USH2A: variants seen among roughly 807,000 people sequenced by gnomAD.
USH2A encodes usherin.
In USH2A, 443 loss-of-function variants were observed where a neutral mutation model predicts 538.9. The observed-to-expected ratio is 0.82, with a 90% CI of 0.76 to 0.89. The LOEUF (loss-of-function observed/expected upper bound fraction) is 0.89. USH2A is among the 40% of genes least tolerant of loss of function. The pLI, the probability that USH2A is intolerant of heterozygous loss-of-function variation, is 0.00. For synonymous variants in USH2A, 2,413 were observed against 2,273.5 expected (o/e 1.06, Z -1.75); for missense variants, 6,633 against 6,324.8 (o/e 1.05, Z -1.65).
Position 216,220,196 on chromosome 1 carries a change from C to A in USH2A, c.2994-2646G>T, listed in dbSNP as rs2035428914. ...GAGATATATCCCAAGATATATAGGT[C>A]AATTTATTGACATTTCTCTTTGTAC... is the stretch of plus-strand genomic sequence containing the variant. On this transcript the variant is annotated intron_variant, in intron 14 of 71. Transcript: ENST00000307340. 2.0e-5 allele frequency among the ~76,000 whole-genome samples: 3 copies of A among 151,992 alleles called. No homozygotes were observed. In the South Asian group the frequency reaches 6.2e-4, roughly 32 times the overall value.
chr1:215,819,781 G>A (rs1007383823), intron 47 of USH2A, among the ~76,000 whole-genome samples: 20 of 151,554 alleles, frequency 1.3e-4, no homozygotes, highest in African/African-American at 4.1e-4. Flanking sequence ...CTATATTTTC[G>A]GCAAGAACAT....
At position 215,878,929 on chromosome 1, in the gene USH2A, C is replaced by G. The variant is rs886044303; in HGVS notation, c.8393G>C (p.Gly2798Ala). The change falls in exon 42 of 72, where the codon GGG becomes GCG. Residue 2798 changes from glycine (G) to alanine (A), a missense_variant. Transcript: ENST00000307340. The part of the protein sequence containing the change: ...NYSVTIVACS[G>A]GNGYLGGCTE... ...GCACCCTCCAAGGTACCCATTACCCCCTGAGCAAGCAACAATGGTGACAGA... is the reference window on the plus strand; with the variant it reads ...GCACCCTCCAAGGTACCCATTACCCGCTGAGCAAGCAACAATGGTGACAGA... 3 of 1,613,936 alleles carry G rather than the reference C, an allele frequency of 1.9e-6. No individual in the cohort carries two copies. Among genetic ancestry groups the G allele is most frequent in the Non-Finnish European group, 2.5e-6 (3 of 1,179,962 alleles).
intron 51 of USH2A, among the ~76,000 whole-genome samples, chr1:215,788,021 C>CTA (rs199911274): frequency 6.6e-5 from 10 of 151,828 alleles, no homozygotes; most frequent in African/African-American, 1.2e-4. Flanking sequence ...TAGAATCCCA[C>CTA]TATATATATA....
At chr1:215,970,928 C>T in intron 35 of USH2A, 152 bp from the exon 36 acceptor site, 2 of 805,340 alleles carry the variant, frequency 2.5e-6, no homozygotes, top group Admixed American at 2.0e-5. Context: ...CTGTCTCTTA[C>T]CAAAGGATAA....
In USH2A at chr1:215,916,341, TAA is replaced by T. The variant is rs5780866; in HGVS notation, c.7301-15438_7301-15437del. Among the ~76,000 whole-genome samples the T allele has an allele frequency of 4.0e-4, 61 of 151,068 alleles. 1 individual carries two copies. The highest frequency in any genetic ancestry group is 7.3e-4 in the African/African-American group (30 of 41,214). ...ACTAGGAAAGAAACATGTGCAAAAA[TAA>T]AAAAAAAAATTGTTAAAAAGTCATC... On this transcript the variant is annotated intron_variant, in intron 38 of 71. Coordinates refer to ENST00000307340, the MANE Select transcript of USH2A (RefSeq NM_206933.4).
chr1:216,230,690 G>A (rs1198097242), intron 14 of USH2A, among the ~76,000 whole-genome samples: 1 of 152,024 alleles, frequency 6.6e-6, no homozygotes, highest in South Asian at 2.1e-4. Flanking sequence ...GTTTAAAAGA[G>A]CCCAGATAAT....
chr1:215,668,390 T>G (rs1013815135), intron 64 of USH2A, among the ~76,000 whole-genome samples: 1 of 152,242 alleles, frequency 6.6e-6, no homozygotes, highest in East Asian at 1.9e-4. Context: ...GCATTTAATC[T>G]ATGCTTTTCA....
chr1:216,007,865 G>C lies in USH2A; in HGVS notation c.6326-7303C>G, dbSNP rs112910037. 1.4e-3 allele frequency among the ~76,000 whole-genome samples: 207 copies of C among 152,316 alleles called. 1 individual carries two copies. The highest frequency in any genetic ancestry group is 4.8e-3 in the African/African-American group (200 of 41,562). On this transcript the variant is annotated intron_variant, in intron 32 of 71. Transcript: ENST00000307340. ...TGATTTACTTACTACTAAGTTGCAT[G>C]GGAGTAAAGTCAGATATTAAACTGA...
intron 9 of USH2A, among the ~76,000 whole-genome samples, chr1:216,293,948 G>A (rs772073681): frequency 3.3e-5 from 5 of 152,270 alleles, no homozygotes; most frequent in Middle Eastern, 3.4e-3. Context: ...CTTGAGTTAC[G>A]TTGTTGGAGG....
intron 21 of USH2A, among the ~76,000 whole-genome samples, chr1:216,170,790 CA>C (rs2034262344): frequency 6.6e-6 from 1 of 152,096 alleles, no homozygotes; most frequent in African/African-American, 2.4e-5. Flanking sequence ...TTGTATAAAT[CA>C]AGTAGATTTA....
intron 16 of USH2A, among the ~76,000 whole-genome samples, chr1:216,200,476 A>T (rs891450072): frequency 7.2e-5 from 11 of 152,216 alleles, no homozygotes; most frequent in Non-Finnish European, 1.2e-4. Flanking sequence ...TGCTTGTTAA[A>T]CACTAAACAC....
At chr1:216,185,542 TTGATGTC>T (rs1383696838) in intron 20 of USH2A, among the ~76,000 whole-genome samples, 5 of 151,934 alleles carry the variant, frequency 3.3e-5, no homozygotes, top group African/African-American at 1.2e-4. Context: ...CTCGTTTCCA[TTGATGTC>T]TGATAATGAG....
At chr1:215,750,294 T>C (rs906111228) in intron 58 of USH2A, among the ~76,000 whole-genome samples, 11 of 152,098 alleles carry the variant, frequency 7.2e-5, no homozygotes, top group South Asian at 2.1e-4. Context: ...AAATTTAACA[T>C]TGGTTGTATA....
chr1:216,149,094 G>A (rs12091176), intron 21 of USH2A, among the ~76,000 whole-genome samples: 30,666 of 151,538 alleles, frequency 0.2, 3,148 homozygotes, highest in Admixed American at 0.24. Context: ...TGGTTAGCAC[G>A]GTCAGAATTT....
intron 29 of USH2A, among the ~76,000 whole-genome samples, chr1:216,071,785 A>T (rs1330581449): frequency 6.6e-6 from 1 of 152,202 alleles, no homozygotes; most frequent in Non-Finnish European, 1.5e-5. Context: ...AGCAGAGAAC[A>T]TGTCAGTAAC....
intron 4 of USH2A, among the ~76,000 whole-genome samples, chr1:216,352,703 T>C (rs924212761): frequency 2.0e-5 from 3 of 151,902 alleles, no homozygotes. Flanking sequence ...TACAAGAAAA[T>C]TTTACAATAC....
chr1:216,308,493 T>C (rs2037359223), intron 9 of USH2A, among the ~76,000 whole-genome samples: 1 of 152,226 alleles, frequency 6.6e-6, no homozygotes, highest in African/African-American at 2.4e-5. Context: ...TTCTGGCTTC[T>C]TCTGTGAATT....
rs187667119 is a variant in USH2A at position 215,894,588 on chromosome 1, G to A, written c.7594+5487C>T. ...TCTACACATCCCTCCCCTTCATTCC[G>A]AATAGCACATGATTTGGGGCTGGCA... is the stretch of plus-strand genomic sequence containing the variant. On this transcript the variant is annotated intron_variant, in intron 40 of 71. Transcript: ENST00000307340. Among the ~76,000 whole-genome samples, 27 of 152,096 alleles carry A rather than the reference G, an allele frequency of 1.8e-4. No individual in the cohort carries two copies. In the East Asian group the frequency reaches 3.9e-3, roughly 22 times the overall value.
chr1:215,851,930 AC>A (rs1664028811), intron 44 of USH2A, among the ~76,000 whole-genome samples: 1 of 152,170 alleles, frequency 6.6e-6, no homozygotes, highest in Non-Finnish European at 1.5e-5. Context: ...AGAATTGAAA[AC>A]AAAAATCACA....
Sources: allele counts gnomAD v4.1 joint callset (sites outside exome capture counted in the v4.1 genomes callset), GRCh38; gene constraint gnomAD v4.1.1; transcripts MANE v1.5; gene names NCBI Gene and HGNC (gene_info 2026-07-23, HGNC 2026-07-21).